OTOGL: variants seen among roughly 807,000 people sequenced by gnomAD.
OTOGL encodes otogelin like, also known as otogelin-like protein.
A neutral mutation model predicts 318.5 loss-of-function variants in OTOGL; 285 were observed. The ratio of observed to expected loss-of-function variants is 0.89; its 90% CI spans 0.81 to 0.99. The LOEUF is 0.99. OTOGL is among the 50% of genes least tolerant of loss of function. OTOGL has a pLI of 0.00. For missense variants in OTOGL, 2,899 were observed against 2,845.6 expected, an observed-to-expected ratio of 1.02 and a Z score of -0.43; for synonymous variants, 987 against 936.5, an observed-to-expected ratio of 1.05 and a Z score of -0.99.
intron 1 of OTOGL, among the ~76,000 whole-genome samples, chr12:80,118,566 T>C (rs1402077552): frequency 6.6e-6 from 1 of 152,118 alleles, no homozygotes; most frequent in Admixed American, 6.6e-5. Flanking sequence ...AATCAGTAAA[T>C]CTCTACCAGT....
chr12:80,127,974 C>T (rs867833048), intron 1 of OTOGL, among the ~76,000 whole-genome samples: 3 of 152,150 alleles, frequency 2.0e-5, no homozygotes, highest in African/African-American at 4.8e-5. Flanking sequence ...ACTTCTTTGC[C>T]ATGGGTTCAA....
intron 9 of OTOGL, among the ~76,000 whole-genome samples, chr12:80,234,401 A>G (rs576794207): frequency 5.3e-5 from 8 of 152,326 alleles, no homozygotes; most frequent in Middle Eastern, 3.4e-3. Flanking sequence ...ATATTATAAA[A>G]TTAATAGAGA....
In OTOGL at chr12:80,366,511, T is replaced by TATATATA. The variant is rs1555304842; in HGVS notation, c.6268-63_6268-62insATATATA. On this transcript the variant is annotated intron_variant, in intron 52 of 58. Coordinates refer to ENST00000547103, the MANE Select transcript of OTOGL (RefSeq NM_001378609.3). ...ATATCAATTGTTTTATATATATAGGTTATATATATATATATATATAAAATA... is the reference window on the plus strand; with the variant it reads ...ATATCAATTGTTTTATATATATAGGTATATATATATATATATATATATATATAAAATA... The TATATATA allele has an allele frequency of 1.4e-3, 253 of 176,334 alleles. 2 individuals carry two copies. The highest frequency in any genetic ancestry group is 3.8e-3 in the Admixed American group (55 of 14,338). The allele number at this position is 176,334 out of a possible 1,614,324, so 10.9% of individuals were successfully genotyped here.
chr12:80,204,148 T>C (rs932648994), intron 1 of OTOGL, among the ~76,000 whole-genome samples: 5 of 152,202 alleles, frequency 3.3e-5, no homozygotes, highest in African/African-American at 1.2e-4. Flanking sequence ...TTTTGTGGGC[T>C]GATCAAGCTT....
chr12:80,357,514 G>A (rs557971494), intron 49 of OTOGL, among the ~76,000 whole-genome samples: 1 of 152,038 alleles, frequency 6.6e-6, no homozygotes. Context: ...TTCATTGACT[G>A]CAAGTGGCAA....
At chr12:80,327,465 C>T (rs546662652) in intron 35 of OTOGL, among the ~76,000 whole-genome samples, 1 of 152,250 alleles carries the variant, frequency 6.6e-6, no homozygotes, top group African/African-American at 2.4e-5. Flanking sequence ...AGCTTCTGCT[C>T]CTTCCTCTCC....
At chr12:80,169,347 T>G (rs897434973) in intron 1 of OTOGL, among the ~76,000 whole-genome samples, 1 of 152,206 alleles carries the variant, frequency 6.6e-6, no homozygotes, top group African/African-American at 2.4e-5. Context: ...CCTTCCTTTG[T>G]GTTTAGCATT....
Position 80,356,482 on chromosome 12 carries a change from GCCACAGTCCTCTTTCTTGCTGT to G in OTOGL, c.5881_5902del (p.Pro1961ThrfsTer8). On this transcript the variant is annotated frameshift_variant, in exon 48 of 59. Coordinates refer to ENST00000547103, the MANE Select transcript of OTOGL (RefSeq NM_001378609.3). LOFTEE classifies it high-confidence loss of function. ...ACAAATAGTCAAAAATTGATTGTTG[GCCACAGTCCTCTTTCTTGCTGT>G]CCACAGTACAAATGTGGTAAGTAAT... 2.5e-6 allele frequency: 4 copies of G among 1,611,916 alleles called. No homozygotes were observed. Among genetic ancestry groups the G allele is most frequent in the Non-Finnish European group, 3.4e-6 (4 of 1,178,946 alleles).
At position 80,123,829 on chromosome 12, in the gene OTOGL, A is replaced by G. The variant is rs867857350; in HGVS notation, c.-20+24224A>G. On this transcript the variant is annotated intron_variant, in intron 1 of 58. Transcript: ENST00000547103. Reference sequence around the variant, plus strand: ...TTTCATGTGTCTTTTGGCTACATAAATGTCTTCTTTTGAGAAGTATCTGTT... The same window carrying G: ...TTTCATGTGTCTTTTGGCTACATAAGTGTCTTCTTTTGAGAAGTATCTGTT... Among the ~76,000 whole-genome samples, 46 of 152,310 alleles carry G rather than the reference A, an allele frequency of 3.0e-4. No homozygotes were observed. The South Asian group carries it at 3.9e-3, about 13-fold the overall frequency.
chr12:80,326,070 C>T (rs1236152119), intron 35 of OTOGL, among the ~76,000 whole-genome samples: 1 of 152,042 alleles, frequency 6.6e-6, no homozygotes, highest in Non-Finnish European at 1.5e-5. Context: ...TTTTTGCTTT[C>T]GTTGTGCCAA....
chr12:80,109,599 C>T (rs1343078210), intron 1 of OTOGL, among the ~76,000 whole-genome samples: 2 of 152,144 alleles, frequency 1.3e-5, no homozygotes, highest in Non-Finnish European at 2.9e-5. Context: ...CACTTTAACA[C>T]TAGCTTTCAA....
intron 26 of OTOGL, among the ~76,000 whole-genome samples, chr12:80,288,472 G>A (rs1449154528): frequency 6.6e-6 from 1 of 152,054 alleles, no homozygotes; most frequent in Non-Finnish European, 1.5e-5. Flanking sequence ...AGTTCTCCTG[G>A]ATAATATCCT....
intron 1 of OTOGL, among the ~76,000 whole-genome samples, chr12:80,177,633 G>T (rs1874616499): frequency 6.6e-6 from 1 of 152,018 alleles, no homozygotes; most frequent in Admixed American, 6.6e-5. Flanking sequence ...CAGTAAGATT[G>T]TGTTTGGGAT....
At chr12:80,301,690 C>T (rs147093468) in intron 27 of OTOGL, among the ~76,000 whole-genome samples, 1 of 152,152 alleles carries the variant, frequency 6.6e-6, no homozygotes, top group South Asian at 2.1e-4. Flanking sequence ...TTGCAAGAAG[C>T]CTTATGGAGT....
intron 1 of OTOGL, among the ~76,000 whole-genome samples, chr12:80,123,482 T>C (rs1366822965): frequency 2.0e-5 from 3 of 152,158 alleles, no homozygotes; most frequent in South Asian, 2.1e-4. Context: ...TGAATAGTGC[T>C]GCAATAAACA....
At chr12:80,226,177 A>AACACACACACACACACACACACAC (rs35975748) in intron 7 of OTOGL, among the ~76,000 whole-genome samples, 8 of 132,958 alleles carry the variant, frequency 6.0e-5, no homozygotes, top group Non-Finnish European at 9.7e-5. Context: ...TCCTGCTCCT[A>AACACACACACACACACACACACAC]ACACACACAC....
At chr12:80,174,254 A>T (rs1874387455) in intron 1 of OTOGL, among the ~76,000 whole-genome samples, 1 of 152,160 alleles carries the variant, frequency 6.6e-6, no homozygotes, top group Non-Finnish European at 1.5e-5. Flanking sequence ...CACAGGAATA[A>T]GCAGGGTTAG....
At chr12:80,256,972 T>C (rs1376386) in intron 17 of OTOGL, among the ~76,000 whole-genome samples, 122,848 of 152,018 alleles carry the variant, frequency 0.81, 49,867 homozygotes, top group East Asian at 1. Flanking sequence ...TAAATTGGTT[T>C]TGCTACAGCA....
chr12:80,308,981 G>GGGGAGAGGGAGA (rs59424577), intron 29 of OTOGL, among the ~76,000 whole-genome samples: 71 of 149,476 alleles, frequency 4.7e-4, no homozygotes, highest in South Asian at 1.1e-3. Context: ...GGGAGACCGT[G>GGGGAGAGGGAGA]GGGAGAGGGA....
Sources: allele counts gnomAD v4.1 joint callset (sites outside exome capture counted in the v4.1 genomes callset), GRCh38; gene constraint gnomAD v4.1.1; transcripts MANE v1.5; gene names NCBI Gene and HGNC (gene_info 2026-07-23, HGNC 2026-07-21).